The following RGS14 variants were observed in gnomAD, a reference collection of about 807,000 sequenced individuals.
RGS14 encodes the protein regulator of G-protein signaling 14.
RGS14 carries 33 observed loss-of-function variants against 63.8 expected under a neutral mutation model. The observed-to-expected ratio is 0.52, with a 90% CI of 0.39 to 0.69. RGS14 has a LOEUF of 0.69. Ranked by LOEUF, RGS14 falls within the 30% of genes least tolerant of loss-of-function variation. The probability of loss-of-function intolerance (pLI) is 0.00; values close to 1 mark genes in which losing one functional copy is unlikely to be tolerated. For missense variants in RGS14, 739 were observed against 742.9 expected (o/e 0.99, Z 0.06); for synonymous variants, 296 against 320.9 (o/e 0.92, Z 0.83).
chr5:177,369,256 G>A (rs1042387478), intron 9 of RGS14, among the ~76,000 whole-genome samples: 1 of 152,178 alleles, frequency 6.6e-6, no homozygotes, highest in Non-Finnish European at 1.5e-5. Flanking sequence ...TCCGTGGGGT[G>A]CCCTCACCTC....
Position 177,371,050 on chromosome 5 carries a change from G to A in RGS14, c.1254+19G>A, listed in dbSNP as rs780812016. 5 of 1,153,088 alleles carry A rather than the reference G, an allele frequency of 4.3e-6. No homozygotes were observed. The Admixed American group carries it at 1.4e-4, about 31-fold the overall frequency. The allele number at this position is 1,153,088 out of a possible 1,614,324, so 71.4% of individuals were successfully genotyped here. Reference sequence around the variant, plus strand: ...GCACCGGGTGAGCTTCCGGGCCGCGGGGCGGGGCGGGGCGGGGCCGGGCCG... The same window carrying A: ...GCACCGGGTGAGCTTCCGGGCCGCGAGGCGGGGCGGGGCGGGGCCGGGCCG... On this transcript the variant is annotated intron_variant, in intron 11 of 14. Transcript: ENST00000408923. This position sits in a 1 kb window ranked among gnomAD's most constrained non-coding sequence, Gnocchi z 6.1.
At chr5:177,361,469 C>T (rs1385334884) in intron 1 of RGS14, among the ~76,000 whole-genome samples, 2 of 152,152 alleles carry the variant, frequency 1.3e-5, no homozygotes, top group East Asian at 3.9e-4. Context: ...AGGCCCTGGG[C>T]CTCCAAGCTT....
Position 177,367,704 on chromosome 5 carries a change from G to T in RGS14, c.628-10G>T. ...CCAGCCCGGTGCCAGCGCCTCCCCTGTACCCACAGAAGCCGAAGCTGAAGC... is the reference window on the plus strand; with the variant it reads ...CCAGCCCGGTGCCAGCGCCTCCCCTTTACCCACAGAAGCCGAAGCTGAAGC... On this transcript the variant is annotated splice_polypyrimidine_tract_variant and intron_variant, in intron 6 of 14. Transcript: ENST00000408923. The T allele has an allele frequency of 6.2e-7, 1 of 1,611,080 alleles. No individual in the cohort carries two copies. Among genetic ancestry groups the T allele is most frequent in the Non-Finnish European group, 8.5e-7 (1 of 1,179,062 alleles).
At position 177,371,063 on chromosome 5, in the gene RGS14, CGGGGCCGGGCCGGGGCCGGGGCCG is replaced by C. The variant is rs1561618627; in HGVS notation, c.1254+36_1254+59del. The stretch of plus-strand genomic sequence containing the variant: ...TTCCGGGCCGCGGGGCGGGGCGGGG[CGGGGCCGGGCCGGGGCCGGGGCCG>C]GGGCCGGGGCCGGGGCCGGGGCCGG... On this transcript the variant is annotated intron_variant, in intron 11 of 14. Transcript: ENST00000408923. The surrounding 1 kb of genome is among the most constrained non-coding windows in gnomAD (Gnocchi z 6.1). 1.7e-5 allele frequency: 10 copies of C among 598,876 alleles called. No individual in the cohort carries two copies. The African/African-American group carries it at 3.4e-4, about 20-fold the overall frequency. 37.1% of individuals were successfully genotyped at this position (598,876 alleles called of 1,614,324 possible).
Position 177,368,250 on chromosome 5 carries a change from T to C in RGS14, c.833T>C (p.Val278Ala). ...ASLDLGFLAF[V>A]SSKSESHRKS... ...CTGGACCTTGGCTTCCTAGCCTTCG[T>C]CAGCAGCAAATCTGAGGTGAGCCGA... The change falls in exon 8 of 15, where the codon GTC becomes GCC. Residue 278 changes from valine to alanine, a missense_variant. Physicochemically the swap from Val to Ala is moderately conservative, Grantham distance 64. Coordinates refer to ENST00000408923, the MANE Select transcript of RGS14 (RefSeq NM_006480.5). 6.2e-7 allele frequency: 1 copy of C among 1,613,154 alleles called. No individual in the cohort carries two copies. Among genetic ancestry groups the C allele is most frequent in the Non-Finnish European group, 8.5e-7 (1 of 1,179,324 alleles).
Position 177,371,969 on chromosome 5 carries a change from A to C in RGS14, c.1595A>C (p.Gln532Pro). Residue 532 changes from glutamine (Q) to proline (P), a missense_variant, in exon 15 of 15, where the codon CAG becomes CCG. Gln to Pro is a moderately conservative substitution (Grantham distance 76). Coordinates refer to ENST00000408923, the MANE Select transcript of RGS14 (RefSeq NM_006480.5). This position sits in a 1 kb window ranked among gnomAD's most constrained non-coding sequence, Gnocchi z 6.1. ...GACCTGGTACTTCCAGAATTTCTGC[A>C]GCTGCCCGCCCAAGGGCCCAGCTCC... ...KEDLVLPEFL[Q>P]LPAQGPSSEE... 1.2e-6 allele frequency: 2 copies of C among 1,614,150 alleles called. No homozygotes were observed. The highest frequency in any genetic ancestry group is 1.7e-6 in the Non-Finnish European group (2 of 1,180,002).
At position 177,368,875 on chromosome 5, in the gene RGS14, C is replaced by T; in HGVS notation, c.1008C>T (p.Gly336=). 6.2e-7 allele frequency: 1 copy of T among 1,614,178 alleles called. No individual in the cohort carries two copies. The highest frequency in any genetic ancestry group is 8.5e-7 in the Non-Finnish European group (1 of 1,180,032). ...DMLAGICEKR[G]LSLPDIKVYL... is the part of the protein sequence containing the mutation. ...TGGCAGGGATCTGTGAGAAACGAGG[C>T]CTCTCTCTACCTGACATCAAGGTCT... is the stretch of plus-strand genomic sequence containing the variant. The change falls in exon 9 of 15, where the codon GGC becomes GGT. Residue 336 remains glycine, a synonymous_variant. Transcript: ENST00000408923.
Position 177,371,408 on chromosome 5 carries a change from G to A in RGS14, c.1383+12G>A. ...CCTGCCGCAGCCAGGTGAGCGAAAGGCGAGTGGCCTCTTCCACCCTCTGCT... is the reference window on the plus strand; with the variant it reads ...CCTGCCGCAGCCAGGTGAGCGAAAGACGAGTGGCCTCTTCCACCCTCTGCT... On this transcript the variant is annotated intron_variant, in intron 13 of 14. Coordinates refer to ENST00000408923, the MANE Select transcript of RGS14 (RefSeq NM_006480.5). The surrounding 1 kb of genome is among the most constrained non-coding windows in gnomAD (Gnocchi z 6.1). 6.2e-7 allele frequency: 1 copy of A among 1,614,124 alleles called. No individual in the cohort carries two copies. The highest frequency in any genetic ancestry group is 1.1e-5 in the South Asian group (1 of 91,072).
intron 1 of RGS14, 59 bp from the exon 2 acceptor site, chr5:177,365,904 A>G (rs1407568417): frequency 6.4e-7 from 1 of 1,574,234 alleles, no homozygotes; most frequent in Non-Finnish European, 8.7e-7. Context: ...CGGGCCCAGA[A>G]CTGTCCCCTG....
chr5:177,372,374 T>G lies in RGS14; in HGVS notation c.*299T>G, dbSNP rs1581626293. 2.8e-6 allele frequency: 1 copy of G among 355,836 alleles called. No individual in the cohort carries two copies. 22.0% of individuals were successfully genotyped at this position (355,836 alleles called of 1,614,324 possible). The stretch of plus-strand genomic sequence containing the variant: ...CAACATGGAGGGATGGCGTTGGCAG[T>G]GCCAGCCTCCCCAGCCTGTGCCAAG... On this transcript the variant is annotated 3_prime_UTR_variant, in exon 15 of 15. Transcript: ENST00000408923.
intron 10 of RGS14, 91 bp downstream of exon 10, chr5:177,370,755 C>A (rs972069891): frequency 6.6e-7 from 1 of 1,506,276 alleles, no homozygotes; most frequent in Non-Finnish European, 9.0e-7. Flanking sequence ...CCCCGCCCCT[C>A]GTGCTAGCCC....
In RGS14 at chr5:177,371,704, G is replaced by A; in HGVS notation, c.1498+115G>A. The A allele has an allele frequency of 8.2e-7, 1 of 1,221,032 alleles. No homozygotes were observed. The highest frequency in any genetic ancestry group is 1.2e-6 in the Non-Finnish European group (1 of 856,126). The allele number at this position is 1,221,032 out of a possible 1,614,324, so 75.6% of individuals were successfully genotyped here. On this transcript the variant is annotated intron_variant, in intron 14 of 14. Coordinates refer to ENST00000408923, the MANE Select transcript of RGS14 (RefSeq NM_006480.5). The surrounding 1 kb of genome is among the most constrained non-coding windows in gnomAD (Gnocchi z 6.1). ...CAGGGGGCTGGGTGCCACTGGGCGT[G>A]GAACAGGAAGGATGGGGGTTGGGGG...
intron 1 of RGS14, among the ~76,000 whole-genome samples, chr5:177,362,356 G>A (rs1183618119): frequency 6.6e-6 from 1 of 152,180 alleles, no homozygotes; most frequent in East Asian, 1.9e-4. Flanking sequence ...GGGTCCTGAT[G>A]GCTGCTTGGG....
chr5:177,370,842 C>A, intron 10 of RGS14, 63 bp from the exon 11 acceptor site: 4 of 1,584,498 alleles, frequency 2.5e-6, no homozygotes, highest in South Asian at 1.1e-5. Context: ...TCGCGTTTGT[C>A]CTGGGAAGGG....
Position 177,371,093 on chromosome 5 carries a change from G to GGGGCCGGGCCGGGGCCGGGGCC in RGS14, c.1255-64_1255-63insCCGGGGCCGGGGCCGGGCCGGG, listed in dbSNP as rs1273521704. 9.8e-7 allele frequency: 1 copy of GGGGCCGGGCCGGGGCCGGGGCC among 1,021,352 alleles called. No homozygotes were observed. Among genetic ancestry groups the GGGGCCGGGCCGGGGCCGGGGCC allele is most frequent in the African/African-American group, 2.6e-5 (1 of 38,216 alleles). The allele number at this position is 1,021,352 out of a possible 1,614,324, so 63.3% of individuals were successfully genotyped here. The stretch of plus-strand genomic sequence containing the variant: ...CCGGGCCGGGGCCGGGGCCGGGGCC[G>GGGGCCGGGCCGGGGCCGGGGCC]GGGCCGGGGCCGGGGCCGGGGCCGG... On this transcript the variant is annotated intron_variant, in intron 11 of 14. Coordinates refer to ENST00000408923, the MANE Select transcript of RGS14 (RefSeq NM_006480.5). This position sits in a 1 kb window ranked among gnomAD's most constrained non-coding sequence, Gnocchi z 6.1.
rs1292200127 is a variant in RGS14, at chr5:177,371,070, GGGC to G, written c.1254+40_1254+42del. Reference sequence around the variant, plus strand: ...CCGCGGGGCGGGGCGGGGCGGGGCCGGGCCGGGGCCGGGGCCGGGGCCGGGGCC... The same window carrying G: ...CCGCGGGGCGGGGCGGGGCGGGGCCGCGGGGCCGGGGCCGGGGCCGGGGCC... On this transcript the variant is annotated intron_variant, in intron 11 of 14. Transcript: ENST00000408923. The surrounding 1 kb of genome is among the most constrained non-coding windows in gnomAD (Gnocchi z 6.1). 4.0e-5 allele frequency: 5 copies of G among 126,424 alleles called. No homozygotes were observed. The highest frequency in any genetic ancestry group is 7.6e-4 in the Admixed American group (1 of 1,312). 7.8% of individuals were successfully genotyped at this position (126,424 alleles called of 1,614,324 possible).
At position 177,361,917 on chromosome 5, in the gene RGS14, G is replaced by C. The variant is rs113420366; in HGVS notation, c.45+3848G>C. ...ACTTCTTCTCAAGCAGGCTGAAGCA[G>C]GGGAGGCCAGCCCTGCTCAACACAA... On this transcript the variant is annotated intron_variant, in intron 1 of 14. Coordinates refer to ENST00000408923, the MANE Select transcript of RGS14 (RefSeq NM_006480.5). Among the ~76,000 whole-genome samples, 1,123 of 152,296 alleles carry C rather than the reference G, an allele frequency of 7.4e-3. 18 individuals carry two copies. The highest frequency in any genetic ancestry group is 0.026 in the African/African-American group (1,075 of 41,570).
Position 177,371,483 on chromosome 5 carries a change from A to G in RGS14, c.1392A>G (p.Pro464=). Residue 464 remains proline (P), a synonymous_variant, in exon 14 of 15, where the codon CCA becomes CCG. Coordinates refer to ENST00000408923, the MANE Select transcript of RGS14 (RefSeq NM_006480.5). This position sits in a 1 kb window ranked among gnomAD's most constrained non-coding sequence, Gnocchi z 6.1. ...ACCCCAAATTCTCGCAGGGCTGCCC[A>G]CCTAGAACTCAGGATAAGGCCACCC... ...DKSPCRSQGC[P]PRTQDKATHP... 6.2e-7 allele frequency: 1 copy of G among 1,613,922 alleles called. No homozygotes were observed.
Position 177,372,025 on chromosome 5 carries a change from G to T in RGS14, c.1651G>T (p.Ala551Ser). The T allele has an allele frequency of 6.2e-7, 1 of 1,614,104 alleles. No individual in the cohort carries two copies. Among genetic ancestry groups the T allele is most frequent in the Non-Finnish European group, 8.5e-7 (1 of 1,180,008 alleles). ...GACCCCACCACAGACCAAATCAGCAGCCCAGCCCATCGGGGGATCCTTGAA... is the reference window on the plus strand; with the variant it reads ...GACCCCACCACAGACCAAATCAGCATCCCAGCCCATCGGGGGATCCTTGAA... ...EETPPQTKSA[A>S]QPIGGSLNST... The change falls in exon 15 of 15, where the codon GCC becomes TCC. Residue 551 changes from alanine to serine, a missense_variant. Coordinates refer to ENST00000408923, the MANE Select transcript of RGS14 (RefSeq NM_006480.5).
Sources: gnomAD v4.1 joint callset for allele counts (sites outside exome capture counted in the v4.1 genomes callset) on GRCh38, gnomAD v4.1.1 for gene constraint, Gnocchi (gnomAD v3.1) non-coding constraint, MANE v1.5 for transcripts, NCBI Gene and HGNC (gene_info 2026-07-23, HGNC 2026-07-21) for gene names.